The following PDE10A variants were observed in gnomAD, a reference collection of about 807,000 sequenced individuals.
The protein encoded by PDE10A is phosphodiesterase 10A, also known as cAMP and cAMP-inhibited cGMP 3',5'-cyclic phosphodiesterase 10A.
A neutral mutation model predicts 97.7 loss-of-function variants in PDE10A; 39 were observed. The ratio of observed to expected loss-of-function variants is 0.40; its 90% CI spans 0.31 to 0.52. The LOEUF (loss-of-function observed/expected upper bound fraction) is 0.52. Among genes scored for constraint, PDE10A ranks in the 20% least tolerant of loss-of-function variants. The probability of loss-of-function intolerance (pLI) is 0.56; values close to 1 mark genes in which losing one functional copy is unlikely to be tolerated. For missense variants in PDE10A, 731 were observed against 1,047.8 expected, an observed-to-expected ratio of 0.70 and a Z score of 4.17; for synonymous variants, 371 against 376.8, an observed-to-expected ratio of 0.98 and a Z score of 0.18.
intron 18 of PDE10A, among the ~76,000 whole-genome samples, chr6:165,376,736 A>C (rs999868671): frequency 6.6e-6 from 1 of 152,140 alleles, no homozygotes. Flanking sequence ...GCAACACAGC[A>C]ATTCCCTATC....
chr6:165,931,998 T>C (rs1313384796), intron 1 of PDE10A, among the ~76,000 whole-genome samples: 1 of 151,974 alleles, frequency 6.6e-6, no homozygotes, highest in African/African-American at 2.4e-5. Flanking sequence ...ACGAGGCAGG[T>C]GAGTGGAGGC....
Position 165,372,764 on chromosome 6 carries a change from T to C in PDE10A, c.2783+6430A>G, listed in dbSNP as rs1231102872. ...ATATGGAACCAAAAAAGAGCCCGCA[T>C]TGCCAAGTCAATCCTAAGCCAAAAG... On this transcript the variant is annotated intron_variant, in intron 18 of 21. Coordinates refer to ENST00000539869, the MANE Select transcript of PDE10A (RefSeq NM_001385079.1). Among the ~76,000 whole-genome samples, 3 of 122,862 alleles carry C rather than the reference T, an allele frequency of 2.4e-5. No homozygotes were observed. In the East Asian group the frequency reaches 6.9e-4, roughly 28 times the overall value. 80.6% of individuals were successfully genotyped at this position (122,862 alleles called of 152,430 possible). A position where few individuals can be genotyped will look rare whatever the true frequency, so the allele number is the denominator to read the frequency against.
intron 1 of PDE10A, among the ~76,000 whole-genome samples, chr6:165,654,841 C>A (rs880121): frequency 2.0e-5 from 3 of 151,990 alleles, no homozygotes; most frequent in Admixed American, 6.6e-5. Flanking sequence ...GGCTTCTTCC[C>A]TCTTGAGGCT....
chr6:165,810,949 G>T (rs548844599), intron 1 of PDE10A, among the ~76,000 whole-genome samples: 3 of 152,268 alleles, frequency 2.0e-5, no homozygotes, highest in African/African-American at 7.2e-5. Flanking sequence ...AAACAGGCCG[G>T]ATGTGGTGGC....
intron 1 of PDE10A, among the ~76,000 whole-genome samples, chr6:165,579,822 T>C (rs1785512266): frequency 1.3e-5 from 2 of 152,294 alleles, no homozygotes; most frequent in African/African-American, 2.4e-5. Flanking sequence ...ATCCTGGCCT[T>C]TTCCCTAGCT....
chr6:165,935,147 G>T lies in PDE10A; in HGVS notation c.-615+52382C>A, dbSNP rs115544596. On this transcript the variant is annotated intron_variant, in intron 1 of 19. Transcript: ENST00000366882. Reference sequence around the variant, plus strand: ...AAAGAGCCCACCACATACATAGGAGGTTGCGTAGGAAAAGGCACAACAGAC... The same window carrying T: ...AAAGAGCCCACCACATACATAGGAGTTTGCGTAGGAAAAGGCACAACAGAC... Among the ~76,000 whole-genome samples, 1,127 of 152,314 alleles carry T rather than the reference G, an allele frequency of 7.4e-3. 16 individuals are homozygous for T. Among genetic ancestry groups the T allele is most frequent in the African/African-American group, 0.024 (997 of 41,562 alleles).
At chr6:165,773,161 A>G (rs1477433331) in intron 1 of PDE10A, 1 of 152,230 alleles carries the variant, frequency 6.6e-6, no homozygotes, top group Non-Finnish European at 1.5e-5. Flanking sequence ...GGTCGCTTCC[A>G]ACTTTGGCAG....
intron 1 of PDE10A, among the ~76,000 whole-genome samples, chr6:165,930,782 C>T (rs1051437790): frequency 6.6e-6 from 1 of 152,194 alleles, no homozygotes; most frequent in African/African-American, 2.4e-5. Context: ...CCCATGTTAA[C>T]GAGGGCCGAG....
intron 2 of PDE10A, among the ~76,000 whole-genome samples, chr6:165,541,941 C>T (rs1783464340): frequency 1.3e-5 from 2 of 152,048 alleles, no homozygotes; most frequent in African/African-American, 4.8e-5. Flanking sequence ...ATAAAAAATG[C>T]AAAACAAAAT....
chr6:165,959,871 T>A (rs188914606), intron 1 of PDE10A, among the ~76,000 whole-genome samples: 1 of 152,038 alleles, frequency 6.6e-6, no homozygotes, highest in Non-Finnish European at 1.5e-5. Flanking sequence ...CCAAACACCA[T>A]GACCTCTCCC....
chr6:165,398,127 A>G (rs979869699), intron 13 of PDE10A, among the ~76,000 whole-genome samples: 6 of 152,174 alleles, frequency 3.9e-5, no homozygotes, highest in Non-Finnish European at 5.9e-5. Flanking sequence ...GGGATGGTTC[A>G]CTTTAATTTA....
rs535440932 is a variant in PDE10A, at chr6:165,491,480, G to A, written c.995-9137C>T. On this transcript the variant is annotated intron_variant, in intron 2 of 21. Transcript: ENST00000539869. ...AGCACATGGAACTGTCTCCAAGACA[G>A]ACCATCAGATAGGCCACCAAACAAA... is the stretch of plus-strand genomic sequence containing the variant. 4.5e-3 allele frequency among the ~76,000 whole-genome samples: 683 copies of A among 152,262 alleles called. 4 individuals are homozygous for A. The highest frequency in any genetic ancestry group is 4.6e-3 in the Non-Finnish European group (313 of 68,020).
At position 165,948,123 on chromosome 6, in the gene PDE10A, A is replaced by G. The variant is rs1583328925; in HGVS notation, c.-615+39406T>C. On this transcript the variant is annotated intron_variant, in intron 1 of 19. Transcript: ENST00000366882. ...TATATATACATATATATATAGAGAGAGAGTGTCTGTGTGTGTGTGTCTGTC... is the reference window on the plus strand; with the variant it reads ...TATATATACATATATATATAGAGAGGGAGTGTCTGTGTGTGTGTGTCTGTC... 4 of 152,156 alleles carry G rather than the reference A, an allele frequency of 2.6e-5. 1 individual carries two copies. The highest frequency in any genetic ancestry group is 2.6e-4 in the Admixed American group (4 of 15,266). 9.4% of individuals were successfully genotyped at this position (152,156 alleles called of 1,614,324 possible). A position where few individuals can be genotyped will look rare whatever the true frequency, so the allele number is the denominator to read the frequency against.
chr6:165,450,637 T>C (rs1012678674), intron 3 of PDE10A, among the ~76,000 whole-genome samples: 7 of 152,236 alleles, frequency 4.6e-5, no homozygotes, highest in African/African-American at 1.4e-4. Context: ...CTCAGCTCAC[T>C]GCAACCTCCA....
At chr6:165,767,733 G>A (rs539841090) in intron 1 of PDE10A, among the ~76,000 whole-genome samples, 6 of 152,206 alleles carry the variant, frequency 3.9e-5, no homozygotes, top group South Asian at 2.1e-4. Flanking sequence ...TATTAGTAAT[G>A]CTGCTACGAA....
At chr6:165,652,818 T>C (rs899216810) in intron 1 of PDE10A, among the ~76,000 whole-genome samples, 3 of 152,242 alleles carry the variant, frequency 2.0e-5, no homozygotes, top group Non-Finnish European at 4.4e-5. Flanking sequence ...AGCAACACTT[T>C]CACTTTGCTG....
chr6:165,737,860 A>G (rs1792617580), intron 1 of PDE10A, among the ~76,000 whole-genome samples: 1 of 152,198 alleles, frequency 6.6e-6, no homozygotes, highest in Admixed American at 6.5e-5. Flanking sequence ...AAGAAGTAAA[A>G]TTGTCTCTTT....
intron 2 of PDE10A, among the ~76,000 whole-genome samples, chr6:165,515,614 C>T (rs1781756270): frequency 6.7e-6 from 1 of 149,836 alleles, no homozygotes; most frequent in Admixed American, 6.7e-5. Context: ...ACCTCCGTCT[C>T]CAGGGTTCAA....
chr6:165,654,772 C>T (rs527987559), intron 1 of PDE10A, among the ~76,000 whole-genome samples: 193 of 152,252 alleles, frequency 1.3e-3, no homozygotes, highest in African/African-American at 3.9e-3. Context: ...CGCAATCTCC[C>T]GACCGAGGCC....
Sources: allele counts gnomAD v4.1 joint callset (sites outside exome capture counted in the v4.1 genomes callset), GRCh38; gene constraint gnomAD v4.1.1; transcripts MANE v1.5; gene names NCBI Gene and HGNC (gene_info 2026-07-23, HGNC 2026-07-21).